NPC1: variants seen among roughly 807,000 people sequenced by gnomAD.
NPC1 encodes Niemann-Pick C1 protein.
NPC1 carries 85 observed loss-of-function variants against 140.4 expected under a neutral mutation model. That is an observed-to-expected ratio of 0.61 (90% confidence interval 0.51 to 0.72). The LOEUF (loss-of-function observed/expected upper bound fraction) is 0.72. Among genes scored for constraint, NPC1 ranks in the 30% least tolerant of loss-of-function variants. The pLI, the probability that NPC1 is intolerant of heterozygous loss-of-function variation, is 0.00. For synonymous variants in NPC1, 656 were observed against 624.8 expected, an observed-to-expected ratio of 1.05 and a Z score of -0.74; for missense variants, 1,504 against 1,623.8, an observed-to-expected ratio of 0.93 and a Z score of 1.27.
chr18:23,547,312 G>A (rs558114213), intron 11 of NPC1, among the ~76,000 whole-genome samples: 5 of 152,254 alleles, frequency 3.3e-5, no homozygotes, highest in African/African-American at 1.2e-4. Flanking sequence ...ATGGACAGCA[G>A]CATAAACAAT....
intron 3 of NPC1, among the ~76,000 whole-genome samples, chr18:23,512,056 C>T (rs1598854955): frequency 6.7e-6 from 1 of 148,534 alleles, no homozygotes; most frequent in South Asian, 2.2e-4. Context: ...AGTCTCACTC[C>T]GTCGCCCAGG....
chr18:23,518,812 A>G (rs775806062), downstream of NPC1: 11 of 1,288,476 alleles, frequency 8.5e-6, no homozygotes, highest in Non-Finnish European at 1.1e-5. Flanking sequence ...CTTATAATTT[A>G]CTTAACCGTG....
At chr18:23,531,002 AT>A (rs201056665), downstream of NPC1, among the ~76,000 whole-genome samples, 5 of 148,844 alleles carry the variant, frequency 3.4e-5, no homozygotes, top group Admixed American at 1.3e-4. Context: ...GATCATTCTC[AT>A]TTTTTTTTTG....
chr18:23,544,940 A>ACCACCC lies in NPC1; in HGVS notation c.1947+14_1947+19dup, dbSNP rs2058763196. The ACCACCC allele has an allele frequency of 1.7e-6, 2 of 1,206,176 alleles. No homozygotes were observed. The highest frequency in any genetic ancestry group is 2.8e-5 in the East Asian group (1 of 35,160). 74.7% of individuals were successfully genotyped at this position (1,206,176 alleles called of 1,614,324 possible). On this transcript the variant is annotated intron_variant, in intron 12 of 24. Coordinates refer to ENST00000269228, the MANE Select transcript of NPC1 (RefSeq NM_000271.5). The stretch of plus-strand genomic sequence containing the variant: ...ACTGCTGTTAACCTCTAGAACATAC[A>ACCACCC]CCACCCCCCCCCGGCTTACCAGAAG...
In NPC1 at chr18:23,544,962, G is replaced by T; in HGVS notation, c.1945C>A (p.Leu649Met). The change falls in exon 12 of 25, where the codon CTG (leucine) becomes ATG (methionine). Residue 649 changes from leucine to methionine, a missense_variant and splice_region_variant. Transcript: ENST00000269228. ...LGHMKSCRRL[L>M]VDSKVSLGIA... ...TACACCACCCCCCCCCGGCTTACCA[G>T]AAGCCTGCGACAGCTTTTCATGTGC... 1.4e-6 allele frequency: 2 copies of T among 1,452,114 alleles called. No individual in the cohort carries two copies. Among genetic ancestry groups the T allele is most frequent in the Non-Finnish European group, 1.9e-6 (2 of 1,057,472 alleles). The allele number at this position is 1,452,114 out of a possible 1,614,324, so 90.0% of individuals were successfully genotyped here.
chr18:23,584,613 T>C (rs900323079), intron 1 of NPC1, among the ~76,000 whole-genome samples: 1 of 152,168 alleles, frequency 6.6e-6, no homozygotes, highest in African/African-American at 2.4e-5. Context: ...CTCACACCTG[T>C]AATCCCCAAA....
In NPC1 at chr18:23,556,336, C is replaced by T. The variant is rs777041778; in HGVS notation, c.1233G>A (p.Arg411=). 4.3e-6 allele frequency: 7 copies of T among 1,613,924 alleles called. No individual in the cohort carries two copies. The highest frequency in any genetic ancestry group is 5.1e-6 in the Non-Finnish European group (6 of 1,179,972). ...AAATGTGTTTGTCAGTGAGAGGGGC[C>T]CGGATGATGAGCTGCTCCGTCCGGA... ...PFFRTEQLII[R]APLTDKHIYQ... The change falls in exon 8 of 25, where the codon CGG becomes CGA. Residue 411 remains arginine, a synonymous_variant. Coordinates refer to ENST00000269228, the MANE Select transcript of NPC1 (RefSeq NM_000271.5).
chr18:23,560,280 C>T lies in NPC1; in HGVS notation c.832G>A (p.Ala278Thr). Residue 278 changes from alanine to threonine, a missense_variant, in exon 6 of 25, where the codon GCG becomes ACG. Ala to Thr is a moderately conservative substitution (Grantham distance 58). Transcript: ENST00000269228. ...MYVIMWITYMAFLLVFFGAFF... is the reference protein window; with the variant it reads ...MYVIMWITYMTFLLVFFGAFF... ...GCTCCAAAAAACACAAGCAAAAACG[C>T]CATGTAGGTGATCCACATGATGACA... The T allele has an allele frequency of 6.2e-7, 1 of 1,614,222 alleles. No homozygotes were observed. Among genetic ancestry groups the T allele is most frequent in the Non-Finnish European group, 8.5e-7 (1 of 1,180,046 alleles).
At chr18:23,521,584 T>A (rs577793661), downstream of NPC1, among the ~76,000 whole-genome samples, 1 of 152,208 alleles carries the variant, frequency 6.6e-6, no homozygotes, top group East Asian at 1.9e-4. Context: ...AGAGTGGAGG[T>A]CAGGAATTCA....
intron 4 of NPC1, among the ~76,000 whole-genome samples, chr18:23,566,605 C>T (rs1157035372): frequency 6.6e-6 from 1 of 151,846 alleles, no homozygotes; most frequent in African/African-American, 2.4e-5. Context: ...CTTACACACA[C>T]ACACACACTC....
chr18:23,551,136 A>G (rs1349032989), intron 10 of NPC1, among the ~76,000 whole-genome samples: 1 of 152,220 alleles, frequency 6.6e-6, no homozygotes, highest in Admixed American at 6.5e-5. Context: ...ACCAGGAAAG[A>G]GCAAACCAGC....
Position 23,543,548 on chromosome 18 carries a change from C to A in NPC1, c.2152G>T (p.Glu718Ter), listed in dbSNP as rs2058741908. The change falls in exon 14 of 25, where the codon GAA becomes TAA. Residue 718 changes from glutamate to a stop codon, truncating the protein, a stop_gained. Transcript: ENST00000269228. LOFTEE classifies it high-confidence loss of function. ...CTGCCCAGCTGCTGATCCAGGGTTT[C>A]CCCTTGAAGACGTTCATCTCTCTTA... Reference protein sequence around the residue: ...AYQRDERLQGETLDQQLGRVL... With the variant: ...AYQRDERLQG 1 of 1,594,942 alleles carries A rather than the reference C, an allele frequency of 6.3e-7. No individual in the cohort carries two copies.
At chr18:23,516,664 C>T (rs1475197369) in intron 3 of NPC1, among the ~76,000 whole-genome samples, 1 of 151,584 alleles carries the variant, frequency 6.6e-6, no homozygotes, top group African/African-American at 2.4e-5. Context: ...CCTTTCTAGC[C>T]TGATAAAACA....
downstream of NPC1, among the ~76,000 whole-genome samples, chr18:23,521,106 C>T (rs1391940513): frequency 1.3e-5 from 2 of 152,150 alleles, no homozygotes; most frequent in Non-Finnish European, 2.9e-5. Context: ...CCGCCTGCCT[C>T]GCTCTCCCAA....
intron 3 of NPC1, chr18:23,509,329 T>G: frequency 1.1e-6 from 1 of 871,932 alleles, no homozygotes; most frequent in East Asian, 3.0e-5. Context: ...GTGATAGCAT[T>G]CTGGCAGCCT....
At chr18:23,528,990 C>T (rs2058395350), downstream of NPC1, 2 of 864,828 alleles carry the variant, frequency 2.3e-6, no homozygotes, top group East Asian at 3.1e-5. Context: ...AGGGATTCTC[C>T]TGCCTCAGCC....
intron 5 of NPC1, 57 bp downstream of exon 5, chr18:23,561,303 T>TTC: frequency 1.3e-6 from 2 of 1,578,814 alleles, no homozygotes; most frequent in Non-Finnish European, 1.7e-6. Flanking sequence ...GCCCAGCCAG[T>TTC]TCCTTGGCTT....
intron 8 of NPC1, 83 bp from the exon 9 acceptor site, chr18:23,555,067 G>A: frequency 1.1e-6 from 1 of 882,568 alleles, no homozygotes; most frequent in Non-Finnish European, 1.9e-6. Flanking sequence ...TTGCCCTGAG[G>A]GTCAGAAGAC....
At chr18:23,549,632 C>CT (rs2058838232) in intron 10 of NPC1, among the ~76,000 whole-genome samples, 1 of 151,882 alleles carries the variant, frequency 6.6e-6, no homozygotes, top group Admixed American at 6.6e-5. Flanking sequence ...GAGCAAGACT[C>CT]TGTCTCTGAA....
Sources: allele counts gnomAD v4.1 joint callset (sites outside exome capture counted in the v4.1 genomes callset), GRCh38; gene constraint gnomAD v4.1.1; transcripts MANE v1.5; gene names NCBI Gene and HGNC (gene_info 2026-07-23, HGNC 2026-07-21).